Variants in ATP8A2 observed in about 807,000 individuals in gnomAD.
ATP8A2 encodes phospholipid-transporting ATPase IB.
Under a neutral mutation model 165.6 loss-of-function variants are expected in ATP8A2, and 100 were observed. The ratio of observed to expected loss-of-function variants is 0.60; its 90% CI spans 0.51 to 0.71. The LOEUF (loss-of-function observed/expected upper bound fraction) is 0.71. Ranked by LOEUF, ATP8A2 falls within the 30% of genes least tolerant of loss-of-function variation. ATP8A2 has a pLI of 0.00. For missense variants in ATP8A2, 1,227 were observed against 1,479.5 expected (o/e 0.83, Z 2.80); for synonymous variants, 543 against 548.8 (o/e 0.99, Z 0.15).
intron 33 of ATP8A2, among the ~76,000 whole-genome samples, chr13:25,902,169 C>T (rs528835091): frequency 1.3e-5 from 2 of 152,254 alleles, no homozygotes; most frequent in East Asian, 3.9e-4. Context: ...AACAGATCTA[C>T]AGGAAACCAT....
Position 25,429,463 on chromosome 13 carries a change from T to C in ATP8A2, c.77-39514T>C, listed in dbSNP as rs1243344698. On this transcript the variant is annotated intron_variant, in intron 1 of 36. Coordinates refer to ENST00000381655, the MANE Select transcript of ATP8A2 (RefSeq NM_016529.6). Reference sequence around the variant, plus strand: ...CCGAATTCTGGGGGATTCACCCCATTCTCCCCAAGAAGGAAAATGGTCAGC... The same window carrying C: ...CCGAATTCTGGGGGATTCACCCCATCCTCCCCAAGAAGGAAAATGGTCAGC... Among the ~76,000 whole-genome samples the C allele has an allele frequency of 2.0e-5, 3 of 151,750 alleles. No homozygotes were observed. In the East Asian group the frequency reaches 5.8e-4, roughly 29 times the overall value.
intron 25 of ATP8A2, among the ~76,000 whole-genome samples, chr13:25,720,167 CTTTTTTT>C (rs1007404557): frequency 1.4e-4 from 17 of 117,262 alleles, no homozygotes; most frequent in South Asian, 1.1e-3. Flanking sequence ...TATACTTTTT[CTTTTTTT>C]TTTTTTTTTT....
intron 1 of ATP8A2, among the ~76,000 whole-genome samples, chr13:25,388,536 G>A (rs969115795): frequency 1.1e-4 from 16 of 152,124 alleles, no homozygotes; most frequent in Admixed American, 2.0e-4. Flanking sequence ...TGGGGGCTGC[G>A]CGCACTGGTA....
intron 34 of ATP8A2, among the ~76,000 whole-genome samples, chr13:25,963,168 G>A (rs971391974): frequency 1.3e-5 from 2 of 152,062 alleles, no homozygotes; most frequent in Non-Finnish European, 1.5e-5. Flanking sequence ...GGCCGAGGTG[G>A]GTGGATCACA....
chr13:25,401,494 C>T (rs1253776202), intron 1 of ATP8A2, among the ~76,000 whole-genome samples: 2 of 151,832 alleles, frequency 1.3e-5, no homozygotes, highest in Non-Finnish European at 2.9e-5. Flanking sequence ...TAAGTGGCAG[C>T]CAAAAGCTTT....
chr13:25,604,439 C>T (rs2040465729), intron 24 of ATP8A2, among the ~76,000 whole-genome samples: 1 of 152,150 alleles, frequency 6.6e-6, no homozygotes, highest in South Asian at 2.1e-4. Context: ...GTGAGTTTTG[C>T]TGAAACTTCT....
intron 36 of ATP8A2, 83 bp from the exon 37 acceptor site, chr13:26,019,805 C>A: frequency 1.0e-6 from 1 of 990,478 alleles, no homozygotes; most frequent in Non-Finnish European, 1.6e-6. Context: ...CGCACGCTGC[C>A]AAAAAAAAGC....
chr13:25,471,306 G>A (rs1408919891), intron 2 of ATP8A2, among the ~76,000 whole-genome samples: 1 of 151,130 alleles, frequency 6.6e-6, no homozygotes, highest in Non-Finnish European at 1.5e-5. Flanking sequence ...AAAAAAAATA[G>A]AGGCCTTTGT....
At chr13:25,441,091 C>G (rs1233058060) in intron 1 of ATP8A2, among the ~76,000 whole-genome samples, 1 of 152,090 alleles carries the variant, frequency 6.6e-6, no homozygotes, top group Non-Finnish European at 1.5e-5. Flanking sequence ...GTTTCTGTTA[C>G]TTTAAAATTA....
chr13:25,870,904 C>T lies in ATP8A2; in HGVS notation c.3183+8496C>T, dbSNP rs143827802. On this transcript the variant is annotated intron_variant, in intron 33 of 36. Coordinates refer to ENST00000381655, the MANE Select transcript of ATP8A2 (RefSeq NM_016529.6). ...TGTTTGAGCTGCAATCTTCTGTCCA[C>T]GAGCCCAATCTTTTTTAAAGTAAAG... Among the ~76,000 whole-genome samples the T allele has an allele frequency of 9.6e-4, 146 of 152,310 alleles. 4 individuals carry two copies. The East Asian group carries it at 0.024, about 25-fold the overall frequency.
chr13:25,681,944 G>T (rs557813007), intron 24 of ATP8A2, among the ~76,000 whole-genome samples: 2 of 152,320 alleles, frequency 1.3e-5, no homozygotes, highest in Non-Finnish European at 2.9e-5. Flanking sequence ...TGACAAGAGT[G>T]ATGGGTCCCC....
chr13:25,941,398 C>G (rs901880274), intron 33 of ATP8A2, among the ~76,000 whole-genome samples: 6 of 152,152 alleles, frequency 3.9e-5, no homozygotes, highest in African/African-American at 1.4e-4. Context: ...CTTCCCTCCC[C>G]TCCATGCATG....
chr13:25,921,557 A>G (rs1305406412), intron 33 of ATP8A2, among the ~76,000 whole-genome samples: 9 of 148,990 alleles, frequency 6.0e-5, no homozygotes, highest in Non-Finnish European at 1.2e-4. Context: ...TGGGAGGCGG[A>G]GGTTGCAGTG....
chr13:25,968,284 C>T (rs977525946), intron 34 of ATP8A2, among the ~76,000 whole-genome samples: 2 of 152,278 alleles, frequency 1.3e-5, no homozygotes, highest in African/African-American at 2.4e-5. Context: ...CTTCGTGAAC[C>T]CCACCCAGTC....
chr13:25,473,869 A>G (rs1032653721), intron 2 of ATP8A2, among the ~76,000 whole-genome samples: 1 of 152,212 alleles, frequency 6.6e-6, no homozygotes, highest in South Asian at 2.1e-4. Context: ...GAATGTTTAA[A>G]GTTAAAATGT....
At chr13:25,727,794 C>A (rs771170489) in intron 25 of ATP8A2, among the ~76,000 whole-genome samples, 99 of 152,274 alleles carry the variant, frequency 6.5e-4, no homozygotes, top group Non-Finnish European at 9.8e-4. Context: ...GGAATATACT[C>A]CCCTTTGTAA....
intron 1 of ATP8A2, among the ~76,000 whole-genome samples, chr13:25,420,177 G>A (rs961769870): frequency 6.6e-6 from 1 of 152,220 alleles, no homozygotes; most frequent in African/African-American, 2.4e-5. Context: ...CCCAAAGGGA[G>A]TCCTCCTTGT....
rs115320164 is a variant in ATP8A2, at chr13:25,574,461, T to C, written c.1663-347T>C. 7.2e-3 allele frequency among the ~76,000 whole-genome samples: 1,100 copies of C among 152,318 alleles called. 17 individuals are homozygous for C. Among genetic ancestry groups the C allele is most frequent in the African/African-American group, 0.026 (1,065 of 41,568 alleles). ...ACCCCAGACCCTGCTGGGGACATTATGATAGATGGTCTAGAATATGTCTAT... is the reference window on the plus strand; with the variant it reads ...ACCCCAGACCCTGCTGGGGACATTACGATAGATGGTCTAGAATATGTCTAT... On this transcript the variant is annotated intron_variant, in intron 18 of 36. Transcript: ENST00000381655.
intron 2 of ATP8A2, among the ~76,000 whole-genome samples, chr13:25,496,994 C>T (rs1192100076): frequency 2.6e-5 from 4 of 152,148 alleles, no homozygotes; most frequent in Admixed American, 1.3e-4. Context: ...TTGAGACCAT[C>T]GTGCTAATGA....
Sources: allele counts gnomAD v4.1 joint callset (sites outside exome capture counted in the v4.1 genomes callset), GRCh38; gene constraint gnomAD v4.1.1; transcripts MANE v1.5; gene names NCBI Gene and HGNC (gene_info 2026-07-23, HGNC 2026-07-21).